SHB: variants seen among roughly 807,000 people sequenced by gnomAD.
The protein encoded by SHB is SH2 domain-containing adapter protein B.
Under a neutral mutation model 52.3 loss-of-function variants are expected in SHB, and 20 were observed. That is an observed-to-expected ratio of 0.38 (90% CI 0.27 to 0.56). The LOEUF (loss-of-function observed/expected upper bound fraction) is 0.56. Among genes scored for constraint, SHB ranks in the 20% least tolerant of loss-of-function variants. SHB has a pLI of 0.71. For missense variants in SHB, 825 were observed against 723.3 expected (o/e 1.14, Z -1.61); for synonymous variants, 397 against 316.5 (o/e 1.25, Z -2.70).
intron 1 of SHB, among the ~76,000 whole-genome samples, chr9:38,045,302 T>C (rs533787862): frequency 6.6e-6 from 1 of 152,250 alleles, no homozygotes; most frequent in East Asian, 1.9e-4. Flanking sequence ...TCTAGTAACA[T>C]TTGTAAAAGC....
At chr9:37,960,620 T>C (rs77463378) in intron 3 of SHB, among the ~76,000 whole-genome samples, 9,278 of 152,272 alleles carry the variant, frequency 0.061, 390 homozygotes, top group Non-Finnish European at 0.091. Flanking sequence ...CAGGACTCAT[T>C]CCTTGAGACC....
In SHB at chr9:38,068,727, C is replaced by G; in HGVS notation, c.-82G>C. The G allele has an allele frequency of 3.1e-6, 3 of 966,162 alleles. No individual in the cohort carries two copies. Among genetic ancestry groups the G allele is most frequent in the African/African-American group, 1.7e-5 (1 of 57,474 alleles). The allele number at this position is 966,162 out of a possible 1,614,324, so 59.8% of individuals were successfully genotyped here. ...CGGGGGGCAGCGCTGCGGCGCAGGT[C>G]CCTCGGCGCCCCGGCCCCGGCGGGG... On this transcript the variant is annotated 5_prime_UTR_variant, in exon 1 of 6. Coordinates refer to ENST00000377707, the MANE Select transcript of SHB (RefSeq NM_003028.3).
intron 5 of SHB, among the ~76,000 whole-genome samples, chr9:37,942,746 A>T (rs1370688763): frequency 6.6e-6 from 1 of 152,206 alleles, no homozygotes; most frequent in Non-Finnish European, 1.5e-5. Context: ...CTGACTGCAG[A>T]GCCTGTGTTG....
chr9:37,940,402 G>A (rs1418895296), intron 5 of SHB, among the ~76,000 whole-genome samples: 2 of 152,240 alleles, frequency 1.3e-5, no homozygotes, highest in Non-Finnish European at 2.9e-5. Context: ...TTAGTCCTCT[G>A]CAAAGAGTGT....
intron 1 of SHB, 25 bp downstream of exon 1, chr9:38,067,904 G>T: frequency 2.8e-6 from 4 of 1,445,590 alleles, no homozygotes; most frequent in South Asian, 1.4e-5. Context: ...CTGGAACCTC[G>T]GGAAGAGGCC....
rs897705092 is a variant in SHB, at chr9:38,068,317, C to T, written c.329G>A (p.Cys110Tyr). 32 of 1,527,166 alleles carry T rather than the reference C, an allele frequency of 2.1e-5. No individual in the cohort carries two copies. Among genetic ancestry groups the T allele is most frequent in the Non-Finnish European group, 2.7e-5 (31 of 1,142,688 alleles). The allele number at this position is 1,527,166 out of a possible 1,614,324, so 94.6% of individuals were successfully genotyped here. ...GSSLRKLRAM[C>Y]RLDYCGGSGE... Reference sequence around the variant, plus strand: ...GCTGCCGCCGCAGTAGTCCAGGCGGCACATGGCGCGCAGTTTGCGCAGCGA... The same window carrying T: ...GCTGCCGCCGCAGTAGTCCAGGCGGTACATGGCGCGCAGTTTGCGCAGCGA... Residue 110 changes from cysteine to tyrosine, a missense_variant, in exon 1 of 6, where the codon TGC becomes TAC. Physicochemically the swap from Cys to Tyr is radical, Grantham distance 194. Coordinates refer to ENST00000377707, the MANE Select transcript of SHB (RefSeq NM_003028.3).
chr9:38,042,042 G>A (rs1029126538), intron 1 of SHB, among the ~76,000 whole-genome samples: 20 of 152,304 alleles, frequency 1.3e-4, no homozygotes, highest in African/African-American at 4.3e-4. Context: ...GAGCACTGGG[G>A]CAGACGGGGG....
intron 2 of SHB, among the ~76,000 whole-genome samples, chr9:37,978,423 G>A (rs1016943546): frequency 1.3e-5 from 2 of 152,166 alleles, no homozygotes; most frequent in African/African-American, 4.8e-5. Flanking sequence ...CAACAATAGG[G>A]AAGAGTTAAG....
chr9:38,055,871 AGAG>A (rs1193834728), intron 1 of SHB, among the ~76,000 whole-genome samples: 1 of 152,050 alleles, frequency 6.6e-6, no homozygotes, highest in Non-Finnish European at 1.5e-5. Flanking sequence ...CTCCGGTATC[AGAG>A]GAGGATGCCG....
chr9:37,924,913 C>T (rs1039165071), intron 5 of SHB, among the ~76,000 whole-genome samples: 2 of 152,214 alleles, frequency 1.3e-5, no homozygotes, highest in African/African-American at 2.4e-5. Flanking sequence ...GAAGCTCCCA[C>T]CACAGCCTCA....
intron 1 of SHB, among the ~76,000 whole-genome samples, chr9:38,041,613 G>C (rs1378707712): frequency 6.6e-6 from 1 of 152,146 alleles, no homozygotes; most frequent in Non-Finnish European, 1.5e-5. Flanking sequence ...AACCTCATTG[G>C]GGGTGGTGGT....
intron 5 of SHB, among the ~76,000 whole-genome samples, chr9:37,944,012 C>T (rs1292723440): frequency 6.6e-6 from 1 of 152,210 alleles, no homozygotes; most frequent in Non-Finnish European, 1.5e-5. Context: ...GCCAATTTCT[C>T]AGCTCAACCC....
At chr9:38,000,267 C>T (rs1024657600) in intron 2 of SHB, among the ~76,000 whole-genome samples, 1 of 152,256 alleles carries the variant, frequency 6.6e-6, no homozygotes, top group African/African-American at 2.4e-5. Flanking sequence ...TTTGCTAAAG[C>T]AGGGACTCTC....
chr9:38,045,504 G>C (rs1176764755), intron 1 of SHB, among the ~76,000 whole-genome samples: 1 of 151,612 alleles, frequency 6.6e-6, no homozygotes, highest in Non-Finnish European at 1.5e-5. Context: ...CCAGCTACTC[G>C]GGAGGCTAAG....
chr9:37,934,758 A>C (rs1832349752), intron 5 of SHB, among the ~76,000 whole-genome samples: 1 of 152,256 alleles, frequency 6.6e-6, no homozygotes, highest in Non-Finnish European at 1.5e-5. Flanking sequence ...GCTTTTTGAC[A>C]ACCTCTTTCC....
chr9:37,974,439 G>C (rs1820627777), intron 3 of SHB, among the ~76,000 whole-genome samples, 183 bp downstream of exon 3: 1 of 152,044 alleles, frequency 6.6e-6, no homozygotes. Context: ...TCCTCGGCCT[G>C]GTTTCCCTAC....
At chr9:38,025,581 C>T (rs1292078377) in intron 1 of SHB, among the ~76,000 whole-genome samples, 1 of 152,210 alleles carries the variant, frequency 6.6e-6, no homozygotes, top group Non-Finnish European at 1.5e-5. Context: ...TAGTTAAGCT[C>T]AGGGTCACAG....
At chr9:37,922,001 C>T (rs1832186530) in intron 5 of SHB, among the ~76,000 whole-genome samples, 1 of 152,198 alleles carries the variant, frequency 6.6e-6, no homozygotes, top group Admixed American at 6.5e-5. Flanking sequence ...CTGCAGGTGC[C>T]AGGGACACTC....
chr9:38,056,762 A>T lies in SHB; in HGVS notation c.717+11167T>A, dbSNP rs539702209. Reference sequence around the variant, plus strand: ...AAAGGCAAATTACAAACTTTAAAAAATGTTCTGCAACCCAAATGGCAGGTA... The same window carrying T: ...AAAGGCAAATTACAAACTTTAAAAATTGTTCTGCAACCCAAATGGCAGGTA... On this transcript the variant is annotated intron_variant, in intron 1 of 5. Coordinates refer to ENST00000377707, the MANE Select transcript of SHB (RefSeq NM_003028.3). Among the ~76,000 whole-genome samples, 5 of 152,390 alleles carry T rather than the reference A, an allele frequency of 3.3e-5. No homozygotes were observed. The East Asian group carries it at 9.6e-4, about 29-fold the overall frequency.
Sources: gnomAD v4.1 joint callset for allele counts (sites outside exome capture counted in the v4.1 genomes callset) on GRCh38, gnomAD v4.1.1 for gene constraint, MANE v1.5 for transcripts, NCBI Gene and HGNC (gene_info 2026-07-23, HGNC 2026-07-21) for gene names.